Variants in MAL observed in about 807,000 individuals in gnomAD.
MAL encodes the protein mal, T cell differentiation protein (MAL blood group), also known as myelin and lymphocyte protein.
A neutral mutation model predicts 16.7 loss-of-function variants in MAL; 5 were observed. That is an observed-to-expected ratio of 0.30 (90% CI 0.16 to 0.63). The LOEUF (loss-of-function observed/expected upper bound fraction) is 0.63, where lower values mean the gene tolerates loss of function less well. Among genes scored for constraint, MAL ranks in the 30% least tolerant of loss-of-function variants. The pLI, the probability that MAL is intolerant of heterozygous loss-of-function variation, is 0.82. For missense variants in MAL, 202 were observed against 195.8 expected, an observed-to-expected ratio of 1.03 and a Z score of -0.19; for synonymous variants, 96 against 85.5, an observed-to-expected ratio of 1.12 and a Z score of -0.67.
intron 1 of MAL, among the ~76,000 whole-genome samples, chr2:95,040,421 A>G (rs929372925): frequency 6.6e-6 from 1 of 152,200 alleles, no homozygotes; most frequent in Non-Finnish European, 1.5e-5. Flanking sequence ...ACATACACAT[A>G]CATACGCACA....
Position 95,025,982 on chromosome 2 carries a change from C to G in MAL, c.93+97C>G. The G allele has an allele frequency of 2.7e-6, 3 of 1,125,764 alleles. No homozygotes were observed. Among genetic ancestry groups the G allele is most frequent in the Non-Finnish European group, 3.8e-6 (3 of 791,880 alleles). 69.7% of individuals were successfully genotyped at this position (1,125,764 alleles called of 1,614,324 possible). ...TGTCGGACGGGATCCGCTAGCTGCG[C>G]AGGTTCTGGGAGCATCGGGGCAGCA... On this transcript the variant is annotated intron_variant, in intron 1 of 3. Transcript: ENST00000309988. This position sits in a 1 kb window ranked among gnomAD's most constrained non-coding sequence, Gnocchi z 5.6.
At chr2:95,046,851 G>C (rs1248476825) in intron 1 of MAL, among the ~76,000 whole-genome samples, 2 of 149,018 alleles carry the variant, frequency 1.3e-5, no homozygotes, top group Non-Finnish European at 3.0e-5. Flanking sequence ...GAAAGAGAAA[G>C]GGAGAGAGAG....
chr2:95,048,151 T>C (rs1433167300), intron 2 of MAL, 25 bp downstream of exon 2: 20 of 1,592,330 alleles, frequency 1.3e-5, no homozygotes, highest in African/African-American at 2.7e-5. Context: ...GGGTGGCTGC[T>C]GGTTGTAGGG....
chr2:95,047,874 C>G, intron 1 of MAL, 85 bp from the exon 2 acceptor site: 1 of 1,360,646 alleles, frequency 7.3e-7, no homozygotes, highest in Non-Finnish European at 1.0e-6. Context: ...GCACTCCAGT[C>G]ACCCCATGTG....
intron 1 of MAL, among the ~76,000 whole-genome samples, chr2:95,030,776 C>T (rs980372843): frequency 2.0e-5 from 3 of 149,328 alleles, no homozygotes; most frequent in African/African-American, 4.9e-5. Context: ...AGTCACATCA[C>T]GGGTTGGGGT....
chr2:95,046,142 G>C (rs557798631), intron 1 of MAL, among the ~76,000 whole-genome samples: 1 of 152,184 alleles, frequency 6.6e-6, no homozygotes, highest in Admixed American at 6.5e-5. Flanking sequence ...GCAGCTCAGA[G>C]AACACCTGTG....
intron 1 of MAL, among the ~76,000 whole-genome samples, chr2:95,030,983 G>A (rs1674064588): frequency 2.0e-5 from 3 of 152,320 alleles, no homozygotes; most frequent in South Asian, 4.1e-4. Flanking sequence ...CCGGGACTGG[G>A]CCATGGGCCA....
At chr2:95,037,714 G>C (rs1036535220) in intron 1 of MAL, among the ~76,000 whole-genome samples, 5 of 152,090 alleles carry the variant, frequency 3.3e-5, no homozygotes, top group Admixed American at 6.5e-5. Context: ...GTGACTGAGT[G>C]AGTGACTGAG....
In MAL at chr2:95,025,932, C is replaced by T. The variant is rs953604140; in HGVS notation, c.93+47C>T. On this transcript the variant is annotated intron_variant, in intron 1 of 3. Transcript: ENST00000309988. The surrounding 1 kb of genome is among the most constrained non-coding windows in gnomAD (Gnocchi z 5.6). ...AAGGGACGGGGTGGGCTGAGCCGTG[C>T]GCTCTCTCGGGCGCCCAGCACAGCT... 2 of 1,475,232 alleles carry T rather than the reference C, an allele frequency of 1.4e-6. No homozygotes were observed. Among genetic ancestry groups the T allele is most frequent in the Admixed American group, 2.2e-5 (1 of 46,504 alleles). 91.4% of individuals were successfully genotyped at this position (1,475,232 alleles called of 1,614,324 possible).
chr2:95,036,229 G>A (rs758442269), intron 1 of MAL, among the ~76,000 whole-genome samples: 1 of 152,192 alleles, frequency 6.6e-6, no homozygotes, highest in African/African-American at 2.4e-5. Flanking sequence ...AGTCCCAGGG[G>A]TCAGACTCCC....
intron 1 of MAL, among the ~76,000 whole-genome samples, chr2:95,033,172 G>C (rs760137579): frequency 1.9e-4 from 29 of 152,150 alleles, no homozygotes; most frequent in Non-Finnish European, 3.8e-4. Flanking sequence ...CCCGGGAGGT[G>C]GGCACTCCAG....
intron 2 of MAL, 99 bp from the exon 3 acceptor site, chr2:95,049,482 G>A (rs369551081): frequency 6.8e-6 from 10 of 1,475,310 alleles, no homozygotes; most frequent in East Asian, 4.6e-5. Flanking sequence ...CAAAGGAAGT[G>A]GGGGGAGAGG....
At chr2:95,043,118 G>T (rs1022692950) in intron 1 of MAL, among the ~76,000 whole-genome samples, 1 of 152,210 alleles carries the variant, frequency 6.6e-6, no homozygotes, top group African/African-American at 2.4e-5. Flanking sequence ...TCTGAGCTTG[G>T]CATGTGCCCT....
chr2:95,049,833 C>A, intron 3 of MAL, 127 bp downstream of exon 3: 2 of 1,349,792 alleles, frequency 1.5e-6, no homozygotes, highest in South Asian at 1.4e-5. Flanking sequence ...TCAAACCTTG[C>A]CTTCATGCCT....
chr2:95,043,495 A>G (rs765836254), intron 1 of MAL, among the ~76,000 whole-genome samples: 1 of 152,214 alleles, frequency 6.6e-6, no homozygotes, highest in Non-Finnish European at 1.5e-5. Flanking sequence ...GCAGCGTCCC[A>G]CAGTGACTTC....
chr2:95,047,340 T>C (rs1407811539), intron 1 of MAL, among the ~76,000 whole-genome samples: 1 of 152,214 alleles, frequency 6.6e-6, no homozygotes. Flanking sequence ...AATCACTGAG[T>C]TATTATTTGT....
intron 1 of MAL, among the ~76,000 whole-genome samples, chr2:95,040,819 C>CAATG (rs1429039705): frequency 2.6e-5 from 4 of 152,164 alleles, no homozygotes; most frequent in Admixed American, 2.0e-4. Context: ...GGGAGCTCAA[C>CAATG]AATGGTGCAC....
At chr2:95,052,256 C>G (rs1357475035) in intron 3 of MAL, among the ~76,000 whole-genome samples, 1 of 152,190 alleles carries the variant, frequency 6.6e-6, no homozygotes, top group African/African-American at 2.4e-5. Flanking sequence ...CTACGTGTTC[C>G]CAGTGGGCCA....
chr2:95,034,084 C>T (rs1329530623), intron 1 of MAL, among the ~76,000 whole-genome samples: 4 of 152,350 alleles, frequency 2.6e-5, no homozygotes, highest in Admixed American at 1.3e-4. Flanking sequence ...CCGCAAGGCC[C>T]GCCCCCATCA....
Sources: gnomAD v4.1 joint callset for allele counts (sites outside exome capture counted in the v4.1 genomes callset) on GRCh38, gnomAD v4.1.1 for gene constraint, Gnocchi (gnomAD v3.1) non-coding constraint, MANE v1.5 for transcripts, NCBI Gene and HGNC (gene_info 2026-07-23, HGNC 2026-07-21) for gene names.